The following NT5C3A variants were observed in gnomAD, a reference collection of about 807,000 sequenced individuals.
NT5C3A encodes the protein 5'-nucleotidase, cytosolic IIIA.
NT5C3A carries 23 observed loss-of-function variants against 40.0 expected under a neutral mutation model. The observed-to-expected ratio is 0.58, with a 90% confidence interval of 0.41 to 0.81. NT5C3A has a LOEUF of 0.81. NT5C3A is among the 40% of genes least tolerant of loss of function. The pLI is 0.00. For missense variants in NT5C3A, 328 were observed against 403.0 expected (o/e 0.81, Z 1.59); for synonymous variants, 130 against 141.4 (o/e 0.92, Z 0.57).
At chr7:33,042,920 T>C (rs544342230) in intron 1 of NT5C3A, among the ~76,000 whole-genome samples, 3 of 152,188 alleles carry the variant, frequency 2.0e-5, no homozygotes, top group Non-Finnish European at 4.4e-5. Flanking sequence ...CTGTGATACA[T>C]ACAGAAAATA....
Position 33,019,684 on chromosome 7 carries a change from G to A in NT5C3A, c.481C>T (p.Pro161Ser), listed in dbSNP as rs1190638272. The change falls in exon 6 of 9, where the codon CCA becomes TCA. Residue 161 changes from proline to serine, a missense_variant. Around this residue, in one of 3 missense-constraint regions of NT5C3A, gnomAD observed 280 missense variants for 317.2 expected, o/e 0.88. Coordinates refer to ENST00000610140, the MANE Select transcript of NT5C3A (RefSeq NM_001002010.5). ...SHGLLVQQALPKAKLKEIVAE... is the reference protein window; with the variant it reads ...SHGLLVQQALSKAKLKEIVAE... ...ACAATTTCTTTAAGTTTAGCTTTTG[G>A]TAAAGCTTGCTGAACAAGCAAACCA... 1 of 1,610,098 alleles carries A rather than the reference G, an allele frequency of 6.2e-7. No individual in the cohort carries two copies. The highest frequency in any genetic ancestry group is 1.7e-5 in the Admixed American group (1 of 60,016).
In NT5C3A at chr7:33,048,865, C is replaced by G. The variant is rs1270634756; in HGVS notation, c.138+13703G>C. Among the ~76,000 whole-genome samples, 5 of 152,104 alleles carry G rather than the reference C, an allele frequency of 3.3e-5. No individual in the cohort carries two copies. In the South Asian group the frequency reaches 6.2e-4, roughly 19 times the overall value. ...ATGACATCACCAAACATTCTGCTAT[C>G]TCCAAATCTGAGGGCTCAAATGGAA... On this transcript the variant is annotated intron_variant, in intron 1 of 8. Transcript: ENST00000610140.
intron 1 of NT5C3A, among the ~76,000 whole-genome samples, chr7:33,059,928 T>C (rs1486324872): frequency 2.0e-5 from 3 of 152,184 alleles, no homozygotes; most frequent in Non-Finnish European, 2.9e-5. Flanking sequence ...CCTTATCTCA[T>C]CTTCATAAAA....
At chr7:33,034,176 C>G (rs1332031177) in intron 1 of NT5C3A, among the ~76,000 whole-genome samples, 1 of 152,058 alleles carries the variant, frequency 6.6e-6, no homozygotes, top group Non-Finnish European at 1.5e-5. Context: ...CAGGCGTGAG[C>G]CACCGCGCCC....
chr7:33,058,359 T>C (rs1340170301), intron 1 of NT5C3A, among the ~76,000 whole-genome samples: 3 of 152,114 alleles, frequency 2.0e-5, no homozygotes, highest in Admixed American at 1.3e-4. Context: ...TATTTTATTT[T>C]ATTTTGAGAT....
At chr7:33,021,930 G>A (rs1562588055) in intron 4 of NT5C3A, 123 bp downstream of exon 4, 2 of 696,510 alleles carry the variant, frequency 2.9e-6, no homozygotes, top group African/African-American at 3.5e-5. Context: ...TGCTTACTAT[G>A]TGCCAGGTAT....
rs753346459 is a variant in NT5C3A, at chr7:33,026,888, G to A, written c.166C>T (p.Arg56Ter). The stretch of plus-strand genomic sequence containing the variant: ...TCTACTCTTGTAGGGTTCTTGATTC[G>A]AACTGAACTTTTCTGGAATTCTGGC... Reference protein sequence around the residue: ...MMPEFQKSSVRIKNPTRVEEI... With the variant: ...MMPEFQKSSV The change falls in exon 2 of 9, where the codon CGA becomes TGA. Residue 56 changes from arginine (R) to a stop codon, truncating the protein, a stop_gained. Transcript: ENST00000610140. LOFTEE classifies it high-confidence loss of function. The A allele has an allele frequency of 6.2e-6, 10 of 1,612,302 alleles. No homozygotes were observed. Among genetic ancestry groups the A allele is most frequent in the Non-Finnish European group, 8.5e-6 (10 of 1,179,314 alleles).
chr7:33,049,994 T>C (rs1045203377), intron 1 of NT5C3A, among the ~76,000 whole-genome samples: 5 of 142,662 alleles, frequency 3.5e-5, no homozygotes, highest in African/African-American at 1.4e-4. Context: ...AAAAAAAAAT[T>C]ACATAAAAAT....
chr7:33,039,105 G>A (rs1198143508), intron 1 of NT5C3A, among the ~76,000 whole-genome samples: 1 of 152,006 alleles, frequency 6.6e-6, no homozygotes, highest in South Asian at 2.1e-4. Context: ...TGAAGCAAGA[G>A]GTAAGAACTT....
At chr7:33,019,256 TA>T (rs35312649) in intron 6 of NT5C3A, among the ~76,000 whole-genome samples, 43,476 of 145,706 alleles carry the variant, frequency 0.3, 6,444 homozygotes, top group Admixed American at 0.42. Flanking sequence ...ACCCTGTCTT[TA>T]AAAAAAAAAA....
intron 1 of NT5C3A, among the ~76,000 whole-genome samples, chr7:33,060,276 T>C (rs924605601): frequency 3.3e-5 from 5 of 152,126 alleles, no homozygotes; most frequent in African/African-American, 1.2e-4. Context: ...GATGATCCTT[T>C]GTTGCAAAAT....
At position 33,054,782 on chromosome 7, in the gene NT5C3A, T is replaced by C. The variant is rs1482583195; in HGVS notation, c.138+7786A>G. Among the ~76,000 whole-genome samples, 6 of 152,226 alleles carry C rather than the reference T, an allele frequency of 3.9e-5. No homozygotes were observed. The South Asian group carries it at 1.0e-3, about 26-fold the overall frequency. Reference sequence around the variant, plus strand: ...TATCTCAGCCACTTGTGTGGCATCATGTCAGCGTTCAAAAAGCTTCAGATT... The same window carrying C: ...TATCTCAGCCACTTGTGTGGCATCACGTCAGCGTTCAAAAAGCTTCAGATT... On this transcript the variant is annotated intron_variant, in intron 1 of 8. Coordinates refer to ENST00000610140, the MANE Select transcript of NT5C3A (RefSeq NM_001002010.5).
chr7:33,025,611 G>A (rs890395639), intron 2 of NT5C3A, among the ~76,000 whole-genome samples: 1 of 152,120 alleles, frequency 6.6e-6, no homozygotes, highest in African/African-American at 2.4e-5. Flanking sequence ...ACATGAAAGA[G>A]CAGCATAAAA....
chr7:33,022,909 A>G (rs1299051117), intron 3 of NT5C3A, among the ~76,000 whole-genome samples: 1 of 151,662 alleles, frequency 6.6e-6, no homozygotes, highest in Non-Finnish European at 1.5e-5. Context: ...AAGGATATGA[A>G]GATTTTTAGT....
intron 1 of NT5C3A, among the ~76,000 whole-genome samples, chr7:33,049,590 T>G (rs373222646): frequency 3.9e-5 from 6 of 152,310 alleles, no homozygotes; most frequent in South Asian, 2.1e-4. Flanking sequence ...TAGGAACATG[T>G]GACAAAATCT....
intron 1 of NT5C3A, among the ~76,000 whole-genome samples, chr7:33,048,565 A>G (rs1787246289): frequency 6.6e-6 from 1 of 152,226 alleles, no homozygotes; most frequent in African/African-American, 2.4e-5. Flanking sequence ...TGGGTAAAAC[A>G]TATATGAAAG....
intron 1 of NT5C3A, among the ~76,000 whole-genome samples, chr7:33,058,923 G>A (rs774019042): frequency 1.3e-5 from 2 of 152,136 alleles, no homozygotes; most frequent in South Asian, 2.1e-4. Context: ...ACCAACGGCG[G>A]CTCAACCCAC....
intron 7 of NT5C3A, 143 bp from the exon 8 acceptor site, chr7:33,016,013 A>G: frequency 3.0e-6 from 2 of 661,640 alleles, no homozygotes; most frequent in Non-Finnish European, 5.4e-6. Flanking sequence ...AAAGCACTTA[A>G]GTCCATCACA....
intron 1 of NT5C3A, among the ~76,000 whole-genome samples, chr7:33,048,252 C>T (rs1270237930): frequency 6.6e-6 from 1 of 150,710 alleles, no homozygotes; most frequent in East Asian, 2.0e-4. Context: ...CTTATTTTGC[C>T]CAGGCTGGTC....
Sources: gnomAD v4.1 joint callset for allele counts (sites outside exome capture counted in the v4.1 genomes callset) on GRCh38, gnomAD v4.1.1 for gene constraint, gnomAD v4.1.1 regional missense constraint, MANE v1.5 for transcripts, NCBI Gene and HGNC (gene_info 2026-07-23, HGNC 2026-07-21) for gene names.